PHF21B: variants seen among roughly 807,000 people sequenced by gnomAD.
PHF21B encodes the protein PHD finger protein 21B, also known as PHD finger protein 4.
A neutral mutation model predicts 62.2 loss-of-function variants in PHF21B; 22 were observed. The observed-to-expected ratio is 0.35, with a 90% CI of 0.25 to 0.51. The LOEUF (loss-of-function observed/expected upper bound fraction) is 0.51. PHF21B is among the 20% of genes least tolerant of loss of function. PHF21B has a pLI of 0.97. For synonymous variants in PHF21B, 341 were observed against 314.7 expected (o/e 1.08, Z -0.88); for missense variants, 701 against 707.9 (o/e 0.99, Z 0.11).
chr22:44,889,362 C>A (rs1226728916), intron 9 of PHF21B, among the ~76,000 whole-genome samples: 2 of 152,200 alleles, frequency 1.3e-5, no homozygotes, highest in African/African-American at 4.8e-5. Context: ...ACAAGTCCAG[C>A]CCCTTTTCGG....
At chr22:44,923,472 A>C (rs2071574068) in intron 2 of PHF21B, among the ~76,000 whole-genome samples, 1 of 152,218 alleles carries the variant, frequency 6.6e-6, no homozygotes, top group Non-Finnish European at 1.5e-5. Flanking sequence ...CTTAGATACA[A>C]CACCAAAAAC....
chr22:44,971,621 C>T (rs1757324690), intron 2 of PHF21B, among the ~76,000 whole-genome samples: 1 of 152,242 alleles, frequency 6.6e-6, no homozygotes, highest in African/African-American at 2.4e-5. Context: ...GCTGAGACAA[C>T]AGGGCCTGGC....
intron 6 of PHF21B, among the ~76,000 whole-genome samples, chr22:44,894,144 C>G (rs999114571): frequency 6.6e-6 from 1 of 152,230 alleles, no homozygotes; most frequent in Non-Finnish European, 1.5e-5. Flanking sequence ...CCTAGTTTTG[C>G]TTTTTAAACC....
chr22:44,913,575 A>G (rs1169468194), intron 5 of PHF21B, among the ~76,000 whole-genome samples: 1 of 152,200 alleles, frequency 6.6e-6, no homozygotes, highest in African/African-American at 2.4e-5. Flanking sequence ...CCCATGCAGA[A>G]TGGTTCTAGA....
At chr22:45,008,700 C>G in intron 1 of PHF21B, 90 bp from the exon 2 acceptor site, 1 of 1,209,282 alleles carries the variant, frequency 8.3e-7, no homozygotes, top group Non-Finnish European at 1.0e-6. Flanking sequence ...CCGCCCGGAG[C>G]CCCACGGGCG....
At chr22:44,937,811 G>T (rs925962829) in intron 2 of PHF21B, among the ~76,000 whole-genome samples, 4 of 152,232 alleles carry the variant, frequency 2.6e-5, no homozygotes, top group African/African-American at 4.8e-5. Flanking sequence ...GCACTGCGTG[G>T]AACGAAGGGA....
At chr22:44,919,378 C>G (rs1207879422) in intron 3 of PHF21B, among the ~76,000 whole-genome samples, 1 of 152,174 alleles carries the variant, frequency 6.6e-6, no homozygotes, top group Non-Finnish European at 1.5e-5. Flanking sequence ...CCATTTTTTT[C>G]CCTTTATCTC....
intron 2 of PHF21B, chr22:45,003,639 G>A (rs929083883): frequency 2.4e-4 from 37 of 152,428 alleles, no homozygotes; most frequent in African/African-American, 8.2e-4. Flanking sequence ...GGAGCACTGT[G>A]ACCTCATTCA....
At chr22:44,991,241 C>T (rs765833331) in intron 2 of PHF21B, among the ~76,000 whole-genome samples, 2 of 152,150 alleles carry the variant, frequency 1.3e-5, no homozygotes, top group Admixed American at 6.5e-5. Context: ...TTGATGTGCA[C>T]GCTATTAAGA....
At position 44,968,506 on chromosome 22, in the gene PHF21B, T is replaced by C. The variant is rs1006266283; in HGVS notation, c.120+40039A>G. On this transcript the variant is annotated intron_variant, in intron 2 of 12. Transcript: ENST00000313237. ...TAAAAATACAAAAAGTAGCCGAGCG[T>C]GGTGGCACGTGCTTGTAATGCCAGC... 3.4e-4 allele frequency among the ~76,000 whole-genome samples: 52 copies of C among 152,028 alleles called. 1 individual carries two copies. The highest frequency in any genetic ancestry group is 5.9e-5 in the Non-Finnish European group (4 of 68,022).
At chr22:44,936,976 T>C (rs535959463) in intron 2 of PHF21B, among the ~76,000 whole-genome samples, 2 of 151,572 alleles carry the variant, frequency 1.3e-5, no homozygotes, top group East Asian at 3.9e-4. Flanking sequence ...GGGATTGTCC[T>C]GCCTCAGCCT....
Position 45,009,580 on chromosome 22 carries a change from CT to C in PHF21B, c.-32del. 1 of 1,540,222 alleles carries C rather than the reference CT, an allele frequency of 6.5e-7. No homozygotes were observed. On this transcript the variant is annotated 5_prime_UTR_variant, in exon 1 of 13. Transcript: ENST00000313237. The surrounding 1 kb of genome is among the most constrained non-coding windows in gnomAD (Gnocchi z 5.9). ...CAACTTGGGCAGCACTTTGCGCTCACTTTGGCCCGGGCTCCCGGGAAGTTGC... is the reference window on the plus strand; with the variant it reads ...CAACTTGGGCAGCACTTTGCGCTCACTTGGCCCGGGCTCCCGGGAAGTTGC...
At chr22:44,976,969 G>A (rs1205047931) in intron 2 of PHF21B, among the ~76,000 whole-genome samples, 1 of 151,328 alleles carries the variant, frequency 6.6e-6, no homozygotes, top group Non-Finnish European at 1.5e-5. Flanking sequence ...AAAACCCTGT[G>A]TCTACAAAAG....
chr22:44,888,918 C>A (rs1218099299), intron 9 of PHF21B, among the ~76,000 whole-genome samples: 1 of 152,348 alleles, frequency 6.6e-6, no homozygotes, highest in African/African-American at 2.4e-5. Context: ...AGGCCCTCTC[C>A]AAGTCTGTGG....
chr22:44,970,508 G>A (rs1307698573), intron 2 of PHF21B, among the ~76,000 whole-genome samples: 2 of 152,122 alleles, frequency 1.3e-5, no homozygotes, highest in Non-Finnish European at 2.9e-5. Context: ...GCTCCCCAGG[G>A]TCTCCCCTTA....
At chr22:44,893,031 G>A (rs912624448) in intron 7 of PHF21B, among the ~76,000 whole-genome samples, 7 of 151,554 alleles carry the variant, frequency 4.6e-5, no homozygotes, top group African/African-American at 1.2e-4. Flanking sequence ...TACGGTGCCC[G>A]CCTGCTCCAG....
chr22:44,978,446 G>T (rs535042678), intron 2 of PHF21B, among the ~76,000 whole-genome samples: 3 of 152,182 alleles, frequency 2.0e-5, no homozygotes, highest in Non-Finnish European at 4.4e-5. Context: ...TGCCACCTCC[G>T]CTTCCCGGGT....
At chr22:44,934,260 G>C (rs2071801439) in intron 2 of PHF21B, among the ~76,000 whole-genome samples, 1 of 152,076 alleles carries the variant, frequency 6.6e-6, no homozygotes, top group Non-Finnish European at 1.5e-5. Flanking sequence ...TGCTTCCCCT[G>C]TCCTGGAGCG....
At chr22:44,909,503 T>C (rs2071308922) in intron 5 of PHF21B, among the ~76,000 whole-genome samples, 1 of 152,254 alleles carries the variant, frequency 6.6e-6, no homozygotes, top group Non-Finnish European at 1.5e-5. Context: ...ACTTAGCAGC[T>C]CCTTGACTTC....
Sources: gnomAD v4.1 joint callset for allele counts (sites outside exome capture counted in the v4.1 genomes callset) on GRCh38, gnomAD v4.1.1 for gene constraint, Gnocchi (gnomAD v3.1) non-coding constraint, MANE v1.5 for transcripts, NCBI Gene and HGNC (gene_info 2026-07-23, HGNC 2026-07-21) for gene names.